The following SLC36A1 variants were observed in gnomAD, a reference collection of about 807,000 sequenced individuals.
SLC36A1 encodes the protein proton-coupled amino acid transporter 1.
In SLC36A1, 30 loss-of-function variants were observed where a neutral mutation model predicts 47.5. The ratio of observed to expected loss-of-function variants is 0.63; its 90% confidence interval spans 0.47 to 0.86. SLC36A1 has a LOEUF of 0.86. Ranked by LOEUF, SLC36A1 falls within the 40% of genes least tolerant of loss-of-function variation. SLC36A1 has a pLI of 0.00. For synonymous variants in SLC36A1, 255 were observed against 249.7 expected, an observed-to-expected ratio of 1.02 and a Z score of -0.20; for missense variants, 517 against 606.0, an observed-to-expected ratio of 0.85 and a Z score of 1.54.
chr5:151,414,703 G>T, the SLC36A1 span: 3 of 152,104 alleles, frequency 2.0e-5, no homozygotes, highest in African/African-American at 4.8e-5. Flanking sequence ...GAGGTTATCT[G>T]CCAGAAGCAT....
the SLC36A1 span, among the ~76,000 whole-genome samples, chr5:151,522,454 G>T: frequency 6.6e-6 from 1 of 152,174 alleles, no homozygotes; most frequent in African/African-American, 2.4e-5. Flanking sequence ...GCCCTCAGAT[G>T]TCTCAGCAAT....
At chr5:151,412,383 A>T in the SLC36A1 span, 1 of 144,610 alleles carries the variant, frequency 6.9e-6, no homozygotes, top group African/African-American at 2.5e-5. Context: ...ATAGAGACAC[A>T]TATAGGAAAA....
chr5:151,544,197 C>T, the SLC36A1 span: 1 of 1,614,218 alleles, frequency 6.2e-7, no homozygotes, highest in South Asian at 1.1e-5. Context: ...CCTCCACAAT[C>T]TGATAAGAGA....
chr5:151,450,750 T>G (rs186785667), intron 1 of SLC36A1, among the ~76,000 whole-genome samples: 258 of 152,364 alleles, frequency 1.7e-3, no homozygotes, highest in African/African-American at 5.9e-3. Flanking sequence ...TTTAAATGCT[T>G]GATATCGCTT....
chr5:151,536,994 T>C, the SLC36A1 span, among the ~76,000 whole-genome samples: 1 of 152,178 alleles, frequency 6.6e-6, no homozygotes, highest in Non-Finnish European at 1.5e-5. Context: ...TTGAGTGCCC[T>C]TTCCCCCACT....
At chr5:151,407,467 CTGATTAGCTAGA>C in the SLC36A1 span, among the ~76,000 whole-genome samples, 121 of 150,924 alleles carry the variant, frequency 8.0e-4, 3 homozygotes, top group African/African-American at 3.0e-3. Flanking sequence ...AAGTCCCCAC[CTGATTAGCTAGA>C]CACAGAGCAC....
the SLC36A1 span, among the ~76,000 whole-genome samples, chr5:151,535,408 A>G: frequency 0.17 from 25,374 of 152,008 alleles, 2,487 homozygotes; most frequent in East Asian, 0.4. Context: ...CCCTGGGGGA[A>G]ATAATGCTGA....
chr5:151,394,357 T>A, the SLC36A1 span, among the ~76,000 whole-genome samples: 1 of 152,238 alleles, frequency 6.6e-6, no homozygotes, highest in Non-Finnish European at 1.5e-5. Flanking sequence ...AACTTACCCC[T>A]TTAGCTCGGA....
rs112440788 is a variant in SLC36A1 at position 151,455,345 on chromosome 5, T to A, written c.-5-3443T>A. On this transcript the variant is annotated intron_variant, in intron 1 of 10. Coordinates refer to ENST00000243389, the MANE Select transcript of SLC36A1 (RefSeq NM_078483.4). ...CAACCAGAACTCCCAAGCAGAATTT[T>A]TTTTTTCTGTTTTCAATATGCATGC... Among the ~76,000 whole-genome samples, 175 of 152,242 alleles carry A rather than the reference T, an allele frequency of 1.1e-3. 2 individuals carry two copies. In the East Asian group the frequency reaches 0.024, roughly 20 times the overall value.
Position 151,463,586 on chromosome 5 carries a change from C to A in SLC36A1, c.177C>A (p.Gly59=). ...AGACCTTGATCCACCTGTTAAAAGG[C>A]AACATTGGCACAGGACTCCTGGGAC... is the stretch of plus-strand genomic sequence containing the variant. The part of the protein sequence containing the change: ...WFQTLIHLLK[G]NIGTGLLGLP... Residue 59 remains glycine, a synonymous_variant, in exon 3 of 11, where the codon GGC becomes GGA. Transcript: ENST00000243389. 4.3e-6 allele frequency: 7 copies of A among 1,614,142 alleles called. No individual in the cohort carries two copies. Among genetic ancestry groups the A allele is most frequent in the Non-Finnish European group, 5.9e-6 (7 of 1,180,000 alleles).
At chr5:151,392,022 G>A in the SLC36A1 span, among the ~76,000 whole-genome samples, 350 of 152,066 alleles carry the variant, frequency 2.3e-3, 11 homozygotes, top group East Asian at 0.053. Flanking sequence ...GCTGTGAATC[G>A]GTCTGGTCCT....
intron 1 of SLC36A1, 146 bp from the exon 2 acceptor site, chr5:151,458,642 T>C: frequency 1.2e-6 from 1 of 858,774 alleles, no homozygotes; most frequent in Non-Finnish European, 1.7e-6. Context: ...TTTCCCTTGG[T>C]ACCAGGCACT....
At chr5:151,433,326 C>T (rs1460169002), upstream of SLC36A1, among the ~76,000 whole-genome samples, 1 of 104,478 alleles carries the variant, frequency 9.6e-6, no homozygotes, top group Non-Finnish European at 1.8e-5. Context: ...TCTTGTTGCC[C>T]AGGCTGGAAT....
intron 7 of SLC36A1, among the ~76,000 whole-genome samples, chr5:151,471,272 T>C (rs1757279385): frequency 1.3e-5 from 2 of 152,250 alleles, no homozygotes; most frequent in Non-Finnish European, 2.9e-5. Context: ...GAGGACTTAC[T>C]GTGTTGTAGA....
chr5:151,347,384 C>G, the SLC36A1 span: 12 of 1,614,252 alleles, frequency 7.4e-6, no homozygotes, highest in African/African-American at 1.3e-5. Flanking sequence ...CTTCTTGGCA[C>G]TTTCAGGAGG....
At chr5:151,542,562 A>G in the SLC36A1 span, 40 of 1,614,182 alleles carry the variant, frequency 2.5e-5, no homozygotes, top group Non-Finnish European at 3.4e-5. Context: ...TGGTGATCCA[A>G]CCACTCTCAC....
the SLC36A1 span, chr5:151,521,988 C>T: frequency 1.2e-6 from 2 of 1,614,086 alleles, no homozygotes; most frequent in African/African-American, 2.7e-5. Context: ...TGATGAAGAT[C>T]TCCAGTGGGA....
intron 1 of SLC36A1, among the ~76,000 whole-genome samples, chr5:151,438,419 G>A (rs751951445): frequency 4.0e-5 from 6 of 151,780 alleles, no homozygotes; most frequent in Admixed American, 6.6e-5. Flanking sequence ...AACACCTCAG[G>A]TGCTCTAGCT....
chr5:151,502,988 A>G, the SLC36A1 span, among the ~76,000 whole-genome samples: 2 of 148,312 alleles, frequency 1.3e-5, no homozygotes, highest in Non-Finnish European at 2.9e-5. Flanking sequence ...CAAGTTTGAA[A>G]AAGCTACGTA....
Sources: allele counts gnomAD v4.1 joint callset (sites outside exome capture counted in the v4.1 genomes callset), GRCh38; gene constraint gnomAD v4.1.1; transcripts MANE v1.5; gene names NCBI Gene and HGNC (gene_info 2026-07-23, HGNC 2026-07-21).